The following SGPP1 variants were observed in gnomAD, a reference collection of about 807,000 sequenced individuals.
SGPP1 encodes hSPP1.
A neutral mutation model predicts 33.0 loss-of-function variants in SGPP1; 21 were observed. The observed-to-expected ratio is 0.64, with a 90% confidence interval of 0.45 to 0.92. The LOEUF (loss-of-function observed/expected upper bound fraction) is 0.92. Among genes scored for constraint, SGPP1 ranks in the 40% least tolerant of loss-of-function variants. The pLI is 0.00. For synonymous variants in SGPP1, 239 were observed against 241.2 expected (o/e 0.99, Z 0.08); for missense variants, 543 against 589.4 (o/e 0.92, Z 0.81).
chr14:63,702,438 G>A (rs1327263384), intron 1 of SGPP1, among the ~76,000 whole-genome samples: 1 of 152,150 alleles, frequency 6.6e-6, no homozygotes, highest in Non-Finnish European at 1.5e-5. Context: ...CAAGCATGGT[G>A]GCTCATGCCT....
At chr14:63,704,360 C>T (rs1885363461) in intron 1 of SGPP1, among the ~76,000 whole-genome samples, 1 of 152,074 alleles carries the variant, frequency 6.6e-6, no homozygotes, top group Non-Finnish European at 1.5e-5. Flanking sequence ...CAAACTAAAC[C>T]CATATACGTA....
intron 1 of SGPP1, among the ~76,000 whole-genome samples, chr14:63,700,929 T>C (rs530586952): frequency 1.3e-5 from 2 of 152,302 alleles, no homozygotes; most frequent in South Asian, 4.1e-4. Context: ...CCTAGGTCCT[T>C]GAGGGTCAAA....
intron 1 of SGPP1, among the ~76,000 whole-genome samples, chr14:63,708,360 A>G (rs1885457785): frequency 7.0e-6 from 1 of 143,160 alleles, no homozygotes; most frequent in Admixed American, 7.3e-5. Flanking sequence ...GGTTCAAATG[A>G]TTCTCCTGCC....
chr14:63,712,874 G>A (rs1885553059), intron 1 of SGPP1, among the ~76,000 whole-genome samples: 2 of 135,106 alleles, frequency 1.5e-5, no homozygotes, highest in South Asian at 5.0e-4. Context: ...CCGAGATCGT[G>A]CCATTGTACT....
chr14:63,703,300 TAACTA>T (rs1469726893), intron 1 of SGPP1, among the ~76,000 whole-genome samples: 1 of 152,020 alleles, frequency 6.6e-6, no homozygotes, highest in Non-Finnish European at 1.5e-5. Flanking sequence ...GGAATAAACT[TAACTA>T]AGGAAGTGAA....
At chr14:63,701,918 CAAAA>C (rs549492142) in intron 1 of SGPP1, among the ~76,000 whole-genome samples, 3 of 54,074 alleles carry the variant, frequency 5.5e-5, no homozygotes, top group African/African-American at 4.9e-5. Context: ...CTGTTGACAG[CAAAA>C]AAAAAAAAAA....
At chr14:63,715,229 G>C (rs1305094347) in intron 1 of SGPP1, among the ~76,000 whole-genome samples, 1 of 150,964 alleles carries the variant, frequency 6.6e-6, no homozygotes, top group Non-Finnish European at 1.5e-5. Flanking sequence ...TGGCCAGGCT[G>C]GTCTCGAACT....
At chr14:63,697,098 G>T (rs964059514) in intron 2 of SGPP1, among the ~76,000 whole-genome samples, 5 of 152,082 alleles carry the variant, frequency 3.3e-5, no homozygotes, top group Admixed American at 3.3e-4. Flanking sequence ...TGGGTCACAG[G>T]ATCAATAGAC....
intron 2 of SGPP1, among the ~76,000 whole-genome samples, chr14:63,693,491 A>G (rs533139238): frequency 2.0e-5 from 3 of 152,398 alleles, no homozygotes; most frequent in African/African-American, 4.8e-5. Context: ...CATAGAATTT[A>G]TATCAAGTCA....
intron 2 of SGPP1, among the ~76,000 whole-genome samples, chr14:63,688,153 C>T (rs1271212433): frequency 6.7e-6 from 1 of 149,788 alleles, no homozygotes; most frequent in Non-Finnish European, 1.5e-5. Context: ...TAAGTACATA[C>T]ATACATACAA....
chr14:63,720,559 G>A (rs1473761623), intron 1 of SGPP1, among the ~76,000 whole-genome samples: 1 of 152,088 alleles, frequency 6.6e-6, no homozygotes, highest in African/African-American at 2.4e-5. Flanking sequence ...AAGAGTTCAA[G>A]ACCAGCCTGG....
At chr14:63,709,203 C>A (rs191621192) in intron 1 of SGPP1, among the ~76,000 whole-genome samples, 1 of 152,034 alleles carries the variant, frequency 6.6e-6, no homozygotes, top group African/African-American at 2.4e-5. Flanking sequence ...AGTGAAACTC[C>A]GTCTCTACTA....
In SGPP1 at chr14:63,686,039, C is replaced by T. The variant is rs1884964529; in HGVS notation, c.*66G>A. 5 of 966,178 alleles carry T rather than the reference C, an allele frequency of 5.2e-6. No individual in the cohort carries two copies. 59.9% of individuals were successfully genotyped at this position (966,178 alleles called of 1,614,324 possible). ...AAGCCTAATTCTGACCTGGCTTTAC[C>T]TGGAATATATTTTTGGGTATCAGTA... is the stretch of plus-strand genomic sequence containing the variant. On this transcript the variant is annotated 3_prime_UTR_variant, in exon 3 of 3. Coordinates refer to ENST00000247225, the MANE Select transcript of SGPP1 (RefSeq NM_030791.4).
Position 63,685,146 on chromosome 14 carries a change from A to C in SGPP1, c.*959T>G, listed in dbSNP as rs1414092795. ...CAAAAAGGGAAGTATTTATCCATTT[A>C]GCTTTCTAATAAATTGGTGAGAAAG... is the stretch of plus-strand genomic sequence containing the variant. On this transcript the variant is annotated 3_prime_UTR_variant, in exon 3 of 3. Transcript: ENST00000247225. The C allele has an allele frequency of 6.6e-6, 1 of 152,268 alleles. No individual in the cohort carries two copies. The highest frequency in any genetic ancestry group is 1.5e-5 in the Non-Finnish European group (1 of 67,934). 9.4% of individuals were successfully genotyped at this position (152,268 alleles called of 1,614,324 possible). A position where few individuals can be genotyped will look rare whatever the true frequency, so the allele number is the denominator to read the frequency against.
intron 1 of SGPP1, among the ~76,000 whole-genome samples, chr14:63,720,384 G>A (rs930325139): frequency 6.6e-6 from 1 of 152,084 alleles, no homozygotes; most frequent in African/African-American, 2.4e-5. Flanking sequence ...GGAGGGAGGG[G>A]AAGGAAGGTC....
intron 1 of SGPP1, among the ~76,000 whole-genome samples, chr14:63,726,158 T>G (rs1035827196): frequency 2.0e-5 from 3 of 152,198 alleles, no homozygotes; most frequent in Non-Finnish European, 4.4e-5. Context: ...TTATCTACAC[T>G]GAAATTTAAT....
chr14:63,704,612 G>A lies in SGPP1; in HGVS notation c.685-5954C>T, dbSNP rs191806549. ...CACCTGTAATTCTAGCACTTTGGGA[G>A]GCCAAGGCAGAAGGATCGCTTGAGC... is the stretch of plus-strand genomic sequence containing the variant. On this transcript the variant is annotated intron_variant, in intron 1 of 2. Transcript: ENST00000247225. 1.8e-3 allele frequency among the ~76,000 whole-genome samples: 279 copies of A among 152,218 alleles called. 2 individuals are homozygous for A. The highest frequency in any genetic ancestry group is 9.5e-3 in the South Asian group (46 of 4,818).
chr14:63,715,982 A>G (rs977100005), intron 1 of SGPP1, among the ~76,000 whole-genome samples: 2 of 152,192 alleles, frequency 1.3e-5, no homozygotes, highest in Admixed American at 1.3e-4. Flanking sequence ...ATTATTCTGG[A>G]CCATCCTATC....
chr14:63,719,877 G>C (rs527696440), intron 1 of SGPP1, among the ~76,000 whole-genome samples: 168 of 148,272 alleles, frequency 1.1e-3, no homozygotes, highest in Admixed American at 4.2e-3. Context: ...AACTTTGGGA[G>C]GCAGAGGCGG....
Sources: gnomAD v4.1 joint callset for allele counts (sites outside exome capture counted in the v4.1 genomes callset) on GRCh38, gnomAD v4.1.1 for gene constraint, MANE v1.5 for transcripts, NCBI Gene and HGNC (gene_info 2026-07-23, HGNC 2026-07-21) for gene names.